Variants in PLXDC2 observed in about 807,000 individuals in gnomAD.
The protein encoded by PLXDC2 is plexin domain containing 2.
In PLXDC2, 40 loss-of-function variants were observed where a neutral mutation model predicts 68.9. The observed-to-expected ratio is 0.58, with a 90% CI of 0.45 to 0.76. The LOEUF (loss-of-function observed/expected upper bound fraction) is 0.76. Ranked by LOEUF, PLXDC2 falls within the 30% of genes least tolerant of loss-of-function variation. PLXDC2 has a pLI of 0.00. For synonymous variants in PLXDC2, 243 were observed against 234.2 expected (o/e 1.04, Z -0.34); for missense variants, 644 against 661.9 (o/e 0.97, Z 0.30).
chr10:20,023,451 G>A (rs1423530152), intron 2 of PLXDC2, among the ~76,000 whole-genome samples: 2 of 152,122 alleles, frequency 1.3e-5, no homozygotes, highest in Non-Finnish European at 2.9e-5. Context: ...CTAATAAGAG[G>A]TAATTAGGCC....
intron 1 of PLXDC2, among the ~76,000 whole-genome samples, chr10:19,943,829 T>C (rs1406656848): frequency 6.6e-6 from 1 of 152,208 alleles, no homozygotes; most frequent in Non-Finnish European, 1.5e-5. Context: ...CAGTGACTTG[T>C]CTACTTGAAT....
rs1293863504 is a variant in PLXDC2 at position 20,072,503 on chromosome 10, G to GA, written c.541+4267dup. The stretch of plus-strand genomic sequence containing the variant: ...GAACAAAGAAAGAAAGAGAAAGAAA[G>GA]AAAGAAAGAAAGAAAGAAAGAAAGA... On this transcript the variant is annotated intron_variant, in intron 4 of 13. Coordinates refer to ENST00000377252, the MANE Select transcript of PLXDC2 (RefSeq NM_032812.9). Among the ~76,000 whole-genome samples the GA allele has an allele frequency of 5.8e-5, 5 of 86,340 alleles. No homozygotes were observed. The East Asian group carries it at 2.3e-3, about 40-fold the overall frequency. 56.6% of individuals were successfully genotyped at this position (86,340 alleles called of 152,430 possible).
chr10:20,206,790 TA>T (rs1834998805), intron 9 of PLXDC2, among the ~76,000 whole-genome samples: 1 of 151,972 alleles, frequency 6.6e-6, no homozygotes, highest in South Asian at 2.1e-4. Flanking sequence ...GAATCACCGT[TA>T]AAAATGTTGG....
chr10:20,260,110 A>G (rs1318430287), intron 13 of PLXDC2, among the ~76,000 whole-genome samples: 3 of 151,922 alleles, frequency 2.0e-5, no homozygotes, highest in Non-Finnish European at 4.4e-5. Context: ...GACATTTTTG[A>G]TATACATATA....
chr10:20,217,724 G>C, intron 11 of PLXDC2, 148 bp downstream of exon 11: 1 of 1,139,622 alleles, frequency 8.8e-7, no homozygotes, highest in East Asian at 3.1e-5. Flanking sequence ...GATTTCTAAG[G>C]GATTTCCAAA....
intron 1 of PLXDC2, among the ~76,000 whole-genome samples, chr10:19,884,622 C>T (rs34284561): frequency 8.6e-5 from 13 of 151,436 alleles, no homozygotes; most frequent in South Asian, 6.3e-4. Flanking sequence ...TTTGTTCTTG[C>T]GATAGTTTAC....
intron 1 of PLXDC2, among the ~76,000 whole-genome samples, chr10:19,880,679 G>A (rs1837711124): frequency 6.6e-6 from 1 of 152,118 alleles, no homozygotes; most frequent in Admixed American, 6.6e-5. Context: ...TACTTTCCAT[G>A]AGTTACCTAT....
At chr10:20,066,186 C>G (rs1836208350) in intron 3 of PLXDC2, among the ~76,000 whole-genome samples, 1 of 152,208 alleles carries the variant, frequency 6.6e-6, no homozygotes, top group South Asian at 2.1e-4. Context: ...GCATTTCAGT[C>G]ACTGGTGTTG....
chr10:20,162,294 A>G (rs569339935), intron 6 of PLXDC2, among the ~76,000 whole-genome samples: 8 of 152,332 alleles, frequency 5.3e-5, no homozygotes, highest in African/African-American at 1.9e-4. Context: ...ATAAACATGT[A>G]CTATACATAA....
At chr10:19,893,540 C>T (rs1027320992) in intron 1 of PLXDC2, among the ~76,000 whole-genome samples, 2 of 152,168 alleles carry the variant, frequency 1.3e-5, no homozygotes, top group Non-Finnish European at 2.9e-5. Flanking sequence ...GTCATAAACT[C>T]CACCTGATAA....
At chr10:20,055,501 G>C (rs982561436) in intron 3 of PLXDC2, among the ~76,000 whole-genome samples, 1 of 151,974 alleles carries the variant, frequency 6.6e-6, no homozygotes, top group Admixed American at 6.6e-5. Context: ...TTCTCTATTA[G>C]GCTATTATCT....
intron 4 of PLXDC2, among the ~76,000 whole-genome samples, chr10:20,116,669 T>A (rs1443192479): frequency 1.3e-5 from 2 of 152,192 alleles, no homozygotes; most frequent in Non-Finnish European, 2.9e-5. Context: ...ATGTACCTGT[T>A]TCTCTCCAAA....
chr10:20,170,773 C>T (rs1267789232), intron 7 of PLXDC2, among the ~76,000 whole-genome samples: 7 of 151,882 alleles, frequency 4.6e-5, no homozygotes, highest in Non-Finnish European at 7.4e-5. Context: ...AATTCATTAA[C>T]TTCATCTTAA....
intron 12 of PLXDC2, among the ~76,000 whole-genome samples, chr10:20,235,155 G>A (rs746393606): frequency 2.6e-5 from 4 of 152,162 alleles, no homozygotes; most frequent in Non-Finnish European, 2.9e-5. Flanking sequence ...TTGCAAGTAC[G>A]TGAGAGGCTG....
intron 1 of PLXDC2, among the ~76,000 whole-genome samples, chr10:19,953,086 G>C (rs1430122694): frequency 6.6e-6 from 1 of 152,048 alleles, no homozygotes; most frequent in Non-Finnish European, 1.5e-5. Flanking sequence ...GGCTGGTCTC[G>C]AACTCCTGAC....
chr10:20,089,168 ACGTGTGTGTGTGTGTGTG>A (rs762606498), intron 4 of PLXDC2, among the ~76,000 whole-genome samples: 2 of 124,114 alleles, frequency 1.6e-5, no homozygotes, highest in Non-Finnish European at 3.4e-5. Context: ...ACCTGTATAT[ACGTGTGTGTGTGTGTGTG>A]TGTGTGTGTG....
At chr10:19,836,522 G>A (rs917082016) in intron 1 of PLXDC2, among the ~76,000 whole-genome samples, 1 of 152,166 alleles carries the variant, frequency 6.6e-6, no homozygotes, top group Non-Finnish European at 1.5e-5. Flanking sequence ...GTAACCTGAA[G>A]TCCTTAAATC....
At chr10:20,044,266 TTTCTTTCTTTC>T (rs1835755201) in intron 2 of PLXDC2, among the ~76,000 whole-genome samples, 1 of 131,474 alleles carries the variant, frequency 7.6e-6, no homozygotes, top group African/African-American at 3.2e-5. Context: ...TCTTTCTTTC[TTTCTTTCTTTC>T]TTTCTTTCTT....
intron 4 of PLXDC2, among the ~76,000 whole-genome samples, chr10:20,074,093 T>C (rs1306954846): frequency 6.6e-6 from 1 of 152,024 alleles, no homozygotes; most frequent in African/African-American, 2.4e-5. Flanking sequence ...ATTAAGATAA[T>C]ATGTGGAATT....
Sources: allele counts gnomAD v4.1 joint callset (sites outside exome capture counted in the v4.1 genomes callset), GRCh38; gene constraint gnomAD v4.1.1; transcripts MANE v1.5; gene names NCBI Gene and HGNC (gene_info 2026-07-23, HGNC 2026-07-21).